Variants in EPHB1 observed in about 807,000 individuals in gnomAD.
EPHB1 encodes the protein EPH receptor B1.
A neutral mutation model predicts 94.4 loss-of-function variants in EPHB1; 30 were observed. That is an observed-to-expected ratio of 0.32 (90% CI 0.24 to 0.43). The LOEUF (loss-of-function observed/expected upper bound fraction) is 0.43. Among genes scored for constraint, EPHB1 ranks in the 20% least tolerant of loss-of-function variants. EPHB1 has a pLI of 1.00. For missense variants in EPHB1, 1,055 were observed against 1,308.3 expected (o/e 0.81, Z 2.99); for synonymous variants, 522 against 489.1 (o/e 1.07, Z -0.89).
intron 3 of EPHB1, among the ~76,000 whole-genome samples, chr3:135,007,528 C>A (rs1425021108): frequency 6.6e-6 from 1 of 152,168 alleles, no homozygotes; most frequent in Non-Finnish European, 1.5e-5. Flanking sequence ...ATACAGAACT[C>A]TTTGGAAGGG....
In EPHB1 at chr3:135,252,467, T is replaced by G. The variant is rs558662098; in HGVS notation, c.2846+2976T>G. On this transcript the variant is annotated intron_variant, in intron 15 of 15. Coordinates refer to ENST00000398015, the MANE Select transcript of EPHB1 (RefSeq NM_004441.5). Reference sequence around the variant, plus strand: ...ACCTATGAGTGAGAATATGCGGTGTTTGGTTTTTTGTTCTCCCGATAGTTT... The same window carrying G: ...ACCTATGAGTGAGAATATGCGGTGTGTGGTTTTTTGTTCTCCCGATAGTTT... Among the ~76,000 whole-genome samples, 701 of 148,196 alleles carry G rather than the reference T, an allele frequency of 4.7e-3. 2 individuals are homozygous for G. The highest frequency in any genetic ancestry group is 0.016 in the African/African-American group (650 of 40,196).
chr3:135,169,790 T>A (rs140865312), intron 9 of EPHB1, among the ~76,000 whole-genome samples: 2 of 152,202 alleles, frequency 1.3e-5, no homozygotes, highest in East Asian at 3.9e-4. Context: ...TCTAGGAGGG[T>A]TAAGTGACTT....
At chr3:135,023,097 T>C (rs961633602) in intron 3 of EPHB1, among the ~76,000 whole-genome samples, 2 of 152,248 alleles carry the variant, frequency 1.3e-5, no homozygotes, top group Admixed American at 6.5e-5. Context: ...TTTCTTCTTT[T>C]ACTTTTTCTC....
intron 3 of EPHB1, among the ~76,000 whole-genome samples, chr3:134,975,824 G>A (rs990451218): frequency 4.6e-5 from 7 of 152,030 alleles, no homozygotes; most frequent in African/African-American, 7.2e-5. Context: ...TAAAGGGCAT[G>A]TGCAGATGCA....
rs181867546 is a variant in EPHB1 at position 135,111,840 on chromosome 3, C to T, written c.961+5237C>T. On this transcript the variant is annotated intron_variant, in intron 4 of 15. Coordinates refer to ENST00000398015, the MANE Select transcript of EPHB1 (RefSeq NM_004441.5). ...GATTACAGGTGCTCGCCACCAGACC[C>T]GGCTAATTTTTGTATTTTTAGTAGA... 7.1e-3 allele frequency among the ~76,000 whole-genome samples: 1,078 copies of T among 152,208 alleles called. 6 individuals are homozygous for T. The highest frequency in any genetic ancestry group is 0.024 in the African/African-American group (987 of 41,562).
intron 15 of EPHB1, among the ~76,000 whole-genome samples, chr3:135,257,507 G>A (rs1260295566): frequency 1.3e-5 from 2 of 152,102 alleles, no homozygotes; most frequent in African/African-American, 4.8e-5. Context: ...CTGCTGGGGG[G>A]TGCCTCCCAG....
intron 1 of EPHB1, among the ~76,000 whole-genome samples, chr3:134,885,606 A>G (rs941742373): frequency 1.3e-5 from 2 of 152,218 alleles, no homozygotes; most frequent in East Asian, 3.8e-4. Flanking sequence ...CCCTAAACCA[A>G]TTTCCTTCTA....
intron 3 of EPHB1, among the ~76,000 whole-genome samples, chr3:135,010,264 C>T (rs1199431975): frequency 2.0e-5 from 3 of 152,068 alleles, no homozygotes; most frequent in African/African-American, 7.2e-5. Context: ...CACAGTATCC[C>T]TTGATTTCCT....
At chr3:134,888,101 C>T (rs891066625) in intron 1 of EPHB1, among the ~76,000 whole-genome samples, 5 of 152,124 alleles carry the variant, frequency 3.3e-5, no homozygotes, top group Admixed American at 1.3e-4. Context: ...AAACGGGTGG[C>T]GAGGCAAGCT....
intron 6 of EPHB1, among the ~76,000 whole-genome samples, chr3:135,157,094 A>G (rs1941377225): frequency 1.3e-5 from 2 of 152,254 alleles, no homozygotes; most frequent in South Asian, 4.1e-4. Flanking sequence ...CTATGGGTAA[A>G]GAAGTTTTTA....
intron 14 of EPHB1, among the ~76,000 whole-genome samples, 191 bp from the exon 15 acceptor site, chr3:135,249,145 C>T (rs1376820055): frequency 6.6e-6 from 1 of 152,196 alleles, no homozygotes; most frequent in African/African-American, 2.4e-5. Flanking sequence ...GGCAGAGACA[C>T]TGGCCACCTG....
chr3:135,077,936 A>G (rs538706347), intron 3 of EPHB1, among the ~76,000 whole-genome samples: 5 of 152,348 alleles, frequency 3.3e-5, no homozygotes, highest in Admixed American at 3.3e-4. Context: ...TGGAGCCCTT[A>G]TTATGTGGAA....
At chr3:134,801,816 C>A (rs541620300) in intron 1 of EPHB1, among the ~76,000 whole-genome samples, 13 of 152,246 alleles carry the variant, frequency 8.5e-5, no homozygotes, top group African/African-American at 2.9e-4. Flanking sequence ...AGGTCAGGAC[C>A]ATCTGCTCCA....
At chr3:135,152,786 G>A (rs6801873) in intron 5 of EPHB1, among the ~76,000 whole-genome samples, 6,970 of 152,178 alleles carry the variant, frequency 0.046, 537 homozygotes, top group African/African-American at 0.15. Flanking sequence ...TGGGAATCAG[G>A]GCCTCTGTGT....
Position 134,844,548 on chromosome 3 carries a change from A to G in EPHB1, c.58+48859A>G, listed in dbSNP as rs1031010133. 2.6e-5 allele frequency among the ~76,000 whole-genome samples: 4 copies of G among 152,342 alleles called. No individual in the cohort carries two copies. In the South Asian group the frequency reaches 8.3e-4, roughly 32 times the overall value. On this transcript the variant is annotated intron_variant, in intron 1 of 15. Coordinates refer to ENST00000398015, the MANE Select transcript of EPHB1 (RefSeq NM_004441.5). ...TGATACTGCTGCCGGATATGGCATAACCAACCACTCCAAATCAAGTGAGTT... is the reference window on the plus strand; with the variant it reads ...TGATACTGCTGCCGGATATGGCATAGCCAACCACTCCAAATCAAGTGAGTT...
chr3:135,011,503 C>T (rs1454946508), intron 3 of EPHB1, among the ~76,000 whole-genome samples: 5 of 152,172 alleles, frequency 3.3e-5, no homozygotes, highest in Admixed American at 1.3e-4. Flanking sequence ...AAGCGCGTGT[C>T]GTGGGATGCC....
chr3:135,233,795 G>T (rs755492951), intron 12 of EPHB1, among the ~76,000 whole-genome samples: 1 of 152,160 alleles, frequency 6.6e-6, no homozygotes, highest in East Asian at 1.9e-4. Flanking sequence ...CTTGTCTTCC[G>T]CACACTCACA....
At chr3:134,963,054 A>G (rs1381119883) in intron 3 of EPHB1, among the ~76,000 whole-genome samples, 1 of 151,424 alleles carries the variant, frequency 6.6e-6, no homozygotes, top group Non-Finnish European at 1.5e-5. Flanking sequence ...ATCTGGGGCC[A>G]TGCACTCCCT....
Position 134,844,336 on chromosome 3 carries a change from T to G in EPHB1, c.58+48647T>G, listed in dbSNP as rs530263270. ...AAATTCAGGTCATTTTGAAGTCTGCTCTGGCTTTGGCTTTCCAGTGGGATC... is the reference window on the plus strand; with the variant it reads ...AAATTCAGGTCATTTTGAAGTCTGCGCTGGCTTTGGCTTTCCAGTGGGATC... On this transcript the variant is annotated intron_variant, in intron 1 of 15. Coordinates refer to ENST00000398015, the MANE Select transcript of EPHB1 (RefSeq NM_004441.5). Among the ~76,000 whole-genome samples the G allele has an allele frequency of 6.4e-4, 97 of 152,320 alleles. 1 individual carries two copies. The South Asian group carries it at 8.3e-3, about 13-fold the overall frequency.
Sources: allele counts gnomAD v4.1 joint callset (sites outside exome capture counted in the v4.1 genomes callset), GRCh38; gene constraint gnomAD v4.1.1; transcripts MANE v1.5; gene names NCBI Gene and HGNC (gene_info 2026-07-23, HGNC 2026-07-21).